The following ATP8A2 variants were observed in gnomAD, a reference collection of about 807,000 sequenced individuals.
The protein encoded by ATP8A2 is ATPase phospholipid transporting 8A2.
Under a neutral mutation model 165.6 loss-of-function variants are expected in ATP8A2, and 100 were observed. The ratio of observed to expected loss-of-function variants is 0.60; its 90% CI spans 0.51 to 0.71. The LOEUF (loss-of-function observed/expected upper bound fraction) is 0.71. ATP8A2 is among the 30% of genes least tolerant of loss of function. The pLI is 0.00. For missense variants in ATP8A2, 1,227 were observed against 1,479.5 expected (o/e 0.83, Z 2.80); for synonymous variants, 543 against 548.8 (o/e 0.99, Z 0.15).
At chr13:25,804,669 G>T (rs1950692089) in intron 27 of ATP8A2, among the ~76,000 whole-genome samples, 1 of 151,962 alleles carries the variant, frequency 6.6e-6, no homozygotes, top group African/African-American at 2.4e-5. Context: ...GCTTCCTTTG[G>T]GCTGGCATTT....
At chr13:25,459,239 A>G (rs920111773) in intron 1 of ATP8A2, among the ~76,000 whole-genome samples, 5 of 152,192 alleles carry the variant, frequency 3.3e-5, no homozygotes, top group African/African-American at 1.2e-4. Flanking sequence ...AACTTTTCAC[A>G]TTGGACTGAG....
intron 25 of ATP8A2, among the ~76,000 whole-genome samples, chr13:25,756,375 G>A (rs1472545486): frequency 6.8e-6 from 1 of 146,420 alleles, no homozygotes; most frequent in Non-Finnish European, 1.5e-5. Context: ...CGTCCAGGCT[G>A]GAGTGAAGTG....
chr13:25,998,428 G>T (rs1186255680), intron 35 of ATP8A2, among the ~76,000 whole-genome samples: 1 of 152,206 alleles, frequency 6.6e-6, no homozygotes. Flanking sequence ...TGGGTTGGGG[G>T]TGAGGGGGCC....
At chr13:25,694,891 T>C (rs1379514604) in intron 24 of ATP8A2, among the ~76,000 whole-genome samples, 3 of 152,136 alleles carry the variant, frequency 2.0e-5, no homozygotes, top group African/African-American at 7.2e-5. Flanking sequence ...CTCTGTTGTT[T>C]AGGCTGGTCT....
intron 33 of ATP8A2, among the ~76,000 whole-genome samples, chr13:25,911,536 G>C (rs986874914): frequency 6.6e-6 from 1 of 152,166 alleles, no homozygotes; most frequent in African/African-American, 2.4e-5. Context: ...CTTATCCTCA[G>C]AATCATAAAG....
intron 24 of ATP8A2, among the ~76,000 whole-genome samples, chr13:25,597,772 A>G (rs1030795254): frequency 3.3e-5 from 5 of 152,194 alleles, no homozygotes; most frequent in Non-Finnish European, 7.3e-5. Flanking sequence ...TATGTGTGGT[A>G]TTCTACGTTG....
chr13:25,515,198 A>G (rs1424639891), intron 2 of ATP8A2, among the ~76,000 whole-genome samples: 3 of 152,162 alleles, frequency 2.0e-5, no homozygotes, highest in Admixed American at 1.3e-4. Flanking sequence ...TGAGTTTCCA[A>G]CCCACCGGCC....
chr13:25,835,761 T>G (rs1951587982), intron 28 of ATP8A2, among the ~76,000 whole-genome samples: 1 of 152,172 alleles, frequency 6.6e-6, no homozygotes, highest in African/African-American at 2.4e-5. Flanking sequence ...CAAGGCACCA[T>G]CTGCCCAAGA....
chr13:25,469,146 C>T lies in ATP8A2; in HGVS notation c.221+25C>T, dbSNP rs1037547373. 4 of 1,611,502 alleles carry T rather than the reference C, an allele frequency of 2.5e-6. No individual in the cohort carries two copies. The African/African-American group carries it at 4.0e-5, about 16-fold the overall frequency. On this transcript the variant is annotated intron_variant, in intron 2 of 36. Transcript: ENST00000381655. ...GGTAGGAGAAGGCGGCCGGCTCGCG[C>T]GGAAGGCGGTGGAGTCACAGCTGGG...
chr13:25,937,362 C>CTTTTTTTTTTTTTTTTTTTTTTTTTTTTT (rs1555293658), intron 33 of ATP8A2, among the ~76,000 whole-genome samples: 3 of 38,806 alleles, frequency 7.7e-5, no homozygotes, highest in South Asian at 1.7e-3. Flanking sequence ...TTCTTTCTTT[C>CTTTTTTTTTTTTTTTTTTTTTTTTTTTTT]TTTTTTTTTT....
intron 28 of ATP8A2, among the ~76,000 whole-genome samples, chr13:25,829,699 T>TATATATATAC (rs1951413642): frequency 1.6e-5 from 1 of 63,692 alleles, no homozygotes; most frequent in African/African-American, 5.5e-5. Flanking sequence ...TATATATATA[T>TATATATATAC]ATATATATAT....
intron 30 of ATP8A2, among the ~76,000 whole-genome samples, chr13:25,850,864 G>A (rs967164396): frequency 5.9e-5 from 9 of 152,190 alleles, no homozygotes; most frequent in South Asian, 4.1e-4. Context: ...CTTTTTTCCA[G>A]GAGTAGCTTA....
chr13:25,410,668 G>A, intron 1 of ATP8A2, among the ~76,000 whole-genome samples: 1 of 152,314 alleles, frequency 6.6e-6, no homozygotes, highest in Admixed American at 6.5e-5. Flanking sequence ...AACGTGCACA[G>A]AAAGCTTCCT....
chr13:25,704,314 T>A (rs1191372670), intron 25 of ATP8A2, among the ~76,000 whole-genome samples: 1 of 151,278 alleles, frequency 6.6e-6, no homozygotes, highest in Non-Finnish European at 1.5e-5. Flanking sequence ...CTCCAGTTTC[T>A]GTACATCCAA....
At chr13:25,954,684 GT>G (rs1242426794) in intron 33 of ATP8A2, among the ~76,000 whole-genome samples, 1 of 152,204 alleles carries the variant, frequency 6.6e-6, no homozygotes, top group Non-Finnish European at 1.5e-5. Flanking sequence ...AATTCTTGCT[GT>G]TTTGCAGCCT....
chr13:25,554,396 G>A (rs2038913542), intron 12 of ATP8A2, among the ~76,000 whole-genome samples: 3 of 152,130 alleles, frequency 2.0e-5, no homozygotes. Context: ...GCACTTTGAT[G>A]TGCATTTTTA....
intron 24 of ATP8A2, among the ~76,000 whole-genome samples, chr13:25,662,013 T>C (rs772376430): frequency 1.3e-5 from 2 of 152,122 alleles, no homozygotes; most frequent in African/African-American, 4.8e-5. Context: ...AATTCTGAAG[T>C]GTGATTGCCT....
chr13:25,772,586 A>G (rs2044646429), intron 26 of ATP8A2, among the ~76,000 whole-genome samples: 1 of 152,054 alleles, frequency 6.6e-6, no homozygotes, highest in Non-Finnish European at 1.5e-5. Flanking sequence ...CTGGAAGAAC[A>G]TGCTGAGCTG....
intron 24 of ATP8A2, among the ~76,000 whole-genome samples, chr13:25,611,822 T>G (rs537307018): frequency 6.6e-6 from 1 of 152,342 alleles, no homozygotes; most frequent in African/African-American, 2.4e-5. Context: ...CTGCTTGTTA[T>G]TGGTCTTTTC....
Sources: gnomAD v4.1 joint callset for allele counts (sites outside exome capture counted in the v4.1 genomes callset) on GRCh38, gnomAD v4.1.1 for gene constraint, MANE v1.5 for transcripts, NCBI Gene and HGNC (gene_info 2026-07-23, HGNC 2026-07-21) for gene names.